Variants in PLCB1 observed in about 807,000 individuals in gnomAD.
PLCB1 encodes phospholipase C beta 1, also known as 1-phosphatidylinositol 4,5-bisphosphate phosphodiesterase beta-1.
PLCB1 carries 46 observed loss-of-function variants against 161.8 expected under a neutral mutation model. The ratio of observed to expected loss-of-function variants is 0.28; its 90% CI spans 0.22 to 0.36. The LOEUF (loss-of-function observed/expected upper bound fraction) is 0.36. Among genes scored for constraint, PLCB1 ranks in the 10% least tolerant of loss-of-function variants. The probability of loss-of-function intolerance (pLI) is 1.00; values close to 1 mark genes in which losing one functional copy is unlikely to be tolerated. For synonymous variants in PLCB1, 517 were observed against 503.7 expected (o/e 1.03, Z -0.35); for missense variants, 1,016 against 1,472.5 (o/e 0.69, Z 5.07).
chr20:8,264,643 C>T (rs1173760208), intron 2 of PLCB1, among the ~76,000 whole-genome samples: 1 of 152,024 alleles, frequency 6.6e-6, no homozygotes, highest in Non-Finnish European at 1.5e-5. Flanking sequence ...ATTTTTTCAG[C>T]TCTGTTATAA....
rs1344898142 is a variant in PLCB1 at position 8,771,269 on chromosome 20, TTAAA to T, written c.2931-3265_2931-3262del. Among the ~76,000 whole-genome samples the T allele has an allele frequency of 1.8e-4, 27 of 152,328 alleles. No homozygotes were observed. The East Asian group carries it at 5.0e-3, about 28-fold the overall frequency. ...GAAATGATATTTTGGATATATTAAG[TTAAA>T]TAAAATATATTATTAAAATTAATTT... On this transcript the variant is annotated intron_variant, in intron 26 of 31. Transcript: ENST00000338037.
At chr20:8,173,499 T>A (rs2051752957) in intron 2 of PLCB1, among the ~76,000 whole-genome samples, 1 of 152,150 alleles carries the variant, frequency 6.6e-6, no homozygotes, top group African/African-American at 2.4e-5. Context: ...CCAGAACTCA[T>A]GTGATAAACT....
chr20:8,392,403 C>T (rs1384184635), intron 3 of PLCB1, among the ~76,000 whole-genome samples: 1 of 152,116 alleles, frequency 6.6e-6, no homozygotes, highest in African/African-American at 2.4e-5. Context: ...CCTGACAGAT[C>T]TTTGCTTATA....
chr20:8,858,566 A>C (rs942181879), intron 31 of PLCB1, among the ~76,000 whole-genome samples: 2 of 152,124 alleles, frequency 1.3e-5, no homozygotes, highest in African/African-American at 4.8e-5. Flanking sequence ...TCCAAGATGT[A>C]GGCTCTCTAC....
rs1007397790 is a variant in PLCB1 at position 8,187,845 on chromosome 20, G to T, written c.177+37474G>T. ...AGTGCATAGGACCACTACATATTTG[G>T]TGGTGGTGGTGGTGGTGGTGTTATG... On this transcript the variant is annotated intron_variant, in intron 2 of 31. Transcript: ENST00000338037. Among the ~76,000 whole-genome samples the T allele has an allele frequency of 3.8e-4, 57 of 151,882 alleles. 2 individuals carry two copies. The highest frequency in any genetic ancestry group is 1.3e-3 in the African/African-American group (54 of 41,344).
At chr20:8,275,853 C>A (rs1384279026) in intron 2 of PLCB1, among the ~76,000 whole-genome samples, 1 of 151,918 alleles carries the variant, frequency 6.6e-6, no homozygotes, top group African/African-American at 2.4e-5. Flanking sequence ...CACTGAACAC[C>A]TGCTGGCTTT....
rs919767209 is a variant in PLCB1, at chr20:8,842,988, A to T, written c.3424-38634A>T. ...GGTTGCCTCCCTTAATAGTTAAATG[A>T]TTTGGCAATAACAACAGGCCGAAAT... On this transcript the variant is annotated intron_variant, in intron 31 of 31. Transcript: ENST00000338037. Among the ~76,000 whole-genome samples the T allele has an allele frequency of 2.5e-4, 38 of 152,274 alleles. 1 individual carries two copies. Among genetic ancestry groups the T allele is most frequent in the African/African-American group, 9.1e-4 (38 of 41,566 alleles).
intron 2 of PLCB1, among the ~76,000 whole-genome samples, chr20:8,236,563 A>G (rs1980338772): frequency 6.6e-6 from 1 of 152,024 alleles, no homozygotes; most frequent in Non-Finnish European, 1.5e-5. Flanking sequence ...AATATAAAAT[A>G]AAGGTACTAA....
At chr20:8,581,506 A>T (rs1270532290) in intron 3 of PLCB1, among the ~76,000 whole-genome samples, 1 of 152,198 alleles carries the variant, frequency 6.6e-6, no homozygotes, top group Non-Finnish European at 1.5e-5. Flanking sequence ...GATGACTGTG[A>T]GATGAAGTTT....
chr20:8,150,257 T>TA, intron 1 of PLCB1, 37 bp from the exon 2 acceptor site: 2 of 883,980 alleles, frequency 2.3e-6, no homozygotes, highest in Non-Finnish European at 3.7e-6. Flanking sequence ...TCTACAGTGA[T>TA]ATATGTTGAT....
In PLCB1 at chr20:8,578,471, G is replaced by C. The variant is rs547522810; in HGVS notation, c.247-49823G>C. Among the ~76,000 whole-genome samples the C allele has an allele frequency of 3.9e-5, 6 of 152,338 alleles. 2 individuals are homozygous for C. Among genetic ancestry groups the C allele is most frequent in the African/African-American group, 1.4e-4 (6 of 41,584 alleles). ...GGAATATAAAGGATGAGTGTTGAGT[G>C]ACCACAAGGGCCATAACTGGAAGTT... On this transcript the variant is annotated intron_variant, in intron 3 of 31. Transcript: ENST00000338037.
At chr20:8,446,148 A>G (rs1980815170) in intron 3 of PLCB1, among the ~76,000 whole-genome samples, 1 of 152,210 alleles carries the variant, frequency 6.6e-6, no homozygotes, top group East Asian at 1.9e-4. Flanking sequence ...ACATCGATGC[A>G]AAAATCCTCA....
At chr20:8,647,994 C>G (rs939150936) in intron 6 of PLCB1, 41 bp downstream of exon 6, 1 of 1,394,144 alleles carries the variant, frequency 7.2e-7, no homozygotes, top group Non-Finnish European at 9.8e-7. Context: ...TTTTATTTTC[C>G]TCAAAGATCT....
chr20:8,247,891 A>T (rs951135397), intron 2 of PLCB1, among the ~76,000 whole-genome samples: 1 of 151,960 alleles, frequency 6.6e-6, no homozygotes, highest in Admixed American at 6.6e-5. Flanking sequence ...AGCCAATGAG[A>T]TAATCCATAC....
chr20:8,373,706 T>C (rs1031308789), intron 3 of PLCB1, among the ~76,000 whole-genome samples: 43 of 152,332 alleles, frequency 2.8e-4, no homozygotes, highest in African/African-American at 1.0e-3. Flanking sequence ...ATTGTTGCTT[T>C]TGTTATCACT....
At chr20:8,629,903 TTTC>T (rs140504072) in intron 4 of PLCB1, among the ~76,000 whole-genome samples, 18,718 of 144,360 alleles carry the variant, frequency 0.13, 1,521 homozygotes, top group Middle Eastern at 0.21. Context: ...TCTTTCTTTC[TTTC>T]TCTTTCCTTT....
At chr20:8,626,598 G>A (rs1988356882) in intron 3 of PLCB1, among the ~76,000 whole-genome samples, 1 of 152,188 alleles carries the variant, frequency 6.6e-6, no homozygotes, top group African/African-American at 2.4e-5. Flanking sequence ...AGGGTCCAAT[G>A]TATAGATCTG....
intron 24 of PLCB1, 31 bp from the exon 25 acceptor site, chr20:8,760,376 G>C (rs1314762175): frequency 7.1e-7 from 1 of 1,401,074 alleles, no homozygotes; most frequent in Non-Finnish European, 1.0e-6. Context: ...AAAAGTTGAA[G>C]AGGCTATTTA....
chr20:8,700,126 G>C (rs867563955), intron 11 of PLCB1, among the ~76,000 whole-genome samples: 12 of 152,154 alleles, frequency 7.9e-5, no homozygotes, highest in Admixed American at 2.0e-4. Flanking sequence ...GGGCTCATCT[G>C]TCTGTTGATG....
Sources: allele counts gnomAD v4.1 joint callset (sites outside exome capture counted in the v4.1 genomes callset), GRCh38; gene constraint gnomAD v4.1.1; transcripts MANE v1.5; gene names NCBI Gene and HGNC (gene_info 2026-07-23, HGNC 2026-07-21).